The following ROGDI variants were observed in gnomAD, a reference collection of about 807,000 sequenced individuals.
ROGDI encodes protein rogdi homolog.
A neutral mutation model predicts 43.1 loss-of-function variants in ROGDI; 46 were observed. The observed-to-expected ratio is 1.07, with a 90% CI of 0.84 to 1.37. ROGDI has a LOEUF of 1.37. Among genes scored for constraint, ROGDI ranks in the 40% most tolerant of loss-of-function variants. The pLI is 0.00. For missense variants in ROGDI, 518 were observed against 383.9 expected, an observed-to-expected ratio of 1.35 and a Z score of -2.92; for synonymous variants, 243 against 162.0, an observed-to-expected ratio of 1.50 and a Z score of -3.80.
At chr16:4,798,218 G>T (rs568897454) in intron 7 of ROGDI, 34 bp from the exon 8 acceptor site, 1 of 1,562,204 alleles carries the variant, frequency 6.4e-7, no homozygotes, top group South Asian at 1.1e-5. Context: ...GCCCTCGCAA[G>T]CCCCCAGCCC....
rs1321729854 is a variant in ROGDI, at chr16:4,801,578, G to C, written c.125C>G (p.Ser42Cys). The change falls in exon 3 of 11, where the codon TCT becomes TGT. Residue 42 changes from serine (S) to cysteine (C), a missense_variant. Ser to Cys is a moderately radical substitution (Grantham distance 112). Coordinates refer to ENST00000322048, the MANE Select transcript of ROGDI (RefSeq NM_024589.3). ...KQLQDILKEASLRFTLPGSGT... is the reference protein window; with the variant it reads ...KQLQDILKEACLRFTLPGSGT... Reference sequence around the variant, plus strand: ...GGAGCCCGGCAGAGTGAAGCGCAGAGAGGCCTCCTGTGGAACAGAGGGAAG... The same window carrying C: ...GGAGCCCGGCAGAGTGAAGCGCAGACAGGCCTCCTGTGGAACAGAGGGAAG... 2 of 1,598,562 alleles carry C rather than the reference G, an allele frequency of 1.3e-6. No homozygotes were observed. The highest frequency in any genetic ancestry group is 1.1e-5 in the South Asian group (1 of 88,444).
At position 4,801,493 on chromosome 16, in the gene ROGDI, C is replaced by A. The variant is rs1337104317; in HGVS notation, c.200+10G>T. ...CCCATTTCCCCGGTTTCCGCCTAGC[C>A]CAGGCTCACCCACAGCTGCCTAGGA... On this transcript the variant is annotated intron_variant, in intron 3 of 10. Coordinates refer to ENST00000322048, the MANE Select transcript of ROGDI (RefSeq NM_024589.3). 1.3e-5 allele frequency: 21 copies of A among 1,599,474 alleles called. 1 individual carries two copies. In the Admixed American group the frequency reaches 3.7e-4, roughly 28 times the overall value.
intron 2 of ROGDI, 58 bp from the exon 3 acceptor site, chr16:4,801,643 C>A: frequency 3.4e-6 from 5 of 1,473,494 alleles, no homozygotes; most frequent in Non-Finnish European, 4.6e-6. Flanking sequence ...CGGCCCAGTG[C>A]TCCTTCCAGA....
chr16:4,799,831 G>A lies in ROGDI; in HGVS notation c.337-50C>T, dbSNP rs76525419. ...GGTCACGCCAGCTTCCATGCGGCCAGGAGGGGAGAGTGGGTGCTGCCTGCC... is the reference window on the plus strand; with the variant it reads ...GGTCACGCCAGCTTCCATGCGGCCAAGAGGGGAGAGTGGGTGCTGCCTGCC... On this transcript the variant is annotated intron_variant, in intron 5 of 10. Transcript: ENST00000322048. 222 of 1,360,816 alleles carry A rather than the reference G, an allele frequency of 1.6e-4. No individual in the cohort carries two copies. In the East Asian group the frequency reaches 5.1e-3, roughly 31 times the overall value. 84.3% of individuals were successfully genotyped at this position (1,360,816 alleles called of 1,614,324 possible). A position where few individuals can be genotyped will look rare whatever the true frequency, so the allele number is the denominator to read the frequency against.
intron 2 of ROGDI, 147 bp downstream of exon 2, chr16:4,802,235 C>A (rs542248090): frequency 6.7e-6 from 5 of 749,142 alleles, no homozygotes; most frequent in Middle Eastern, 4.7e-4. Flanking sequence ...GAGGTCGGCT[C>A]GAGTTCGCGG....
intron 6 of ROGDI, among the ~76,000 whole-genome samples, chr16:4,799,364 G>C (rs1313366307): frequency 1.3e-5 from 2 of 152,164 alleles, no homozygotes; most frequent in Non-Finnish European, 2.9e-5. Flanking sequence ...CAGCAAGTCA[G>C]GGGCAGAACT....
chr16:4,798,168 G>A lies in ROGDI; in HGVS notation c.548C>T (p.Ala183Val), dbSNP rs1306134473. Residue 183 changes from alanine to valine, a missense_variant, in exon 8 of 11, where the codon GCC becomes GTC. Coordinates refer to ENST00000322048, the MANE Select transcript of ROGDI (RefSeq NM_024589.3). The part of the protein sequence containing the change: ...ASGLTRMFAP[A>V]LPSDLLVNVY... ...GTTGACCAGCAGGTCGGACGGCAGG[G>A]CAGGGGCGAACATCCGCTGCGGGAG... is the stretch of plus-strand genomic sequence containing the variant. The A allele has an allele frequency of 2.5e-6, 4 of 1,613,818 alleles. No individual in the cohort carries two copies. Among genetic ancestry groups the A allele is most frequent in the Non-Finnish European group, 3.4e-6 (4 of 1,179,874 alleles).
intron 2 of ROGDI, 22 bp downstream of exon 2, chr16:4,802,360 G>C: frequency 6.4e-7 from 1 of 1,551,398 alleles, no homozygotes; most frequent in Non-Finnish European, 8.7e-7. Context: ...CACGCCCGGC[G>C]GGGCAGGGCG....
intron 3 of ROGDI, 88 bp downstream of exon 3, chr16:4,801,415 A>G: frequency 2.6e-6 from 4 of 1,556,622 alleles, no homozygotes; most frequent in Non-Finnish European, 3.5e-6. Flanking sequence ...CCATCGCACA[A>G]CCAGCTGGTC....
At chr16:4,800,034 G>A (rs2082697309) in intron 5 of ROGDI, among the ~76,000 whole-genome samples, 1 of 152,168 alleles carries the variant, frequency 6.6e-6, no homozygotes, top group African/African-American at 2.4e-5. Context: ...GTCTGTGCGA[G>A]TTGCGGAGGG....
At chr16:4,800,309 C>T (rs1017458919) in intron 5 of ROGDI, among the ~76,000 whole-genome samples, 189 bp downstream of exon 5, 1 of 152,182 alleles carries the variant, frequency 6.6e-6, no homozygotes, top group African/African-American at 2.4e-5. Context: ...AGGTTCTCTA[C>T]CTCCCCACAT....
intron 4 of ROGDI, chr16:4,800,813 AAAGGGG>A (rs1285518908): frequency 3.5e-6 from 2 of 568,360 alleles, no homozygotes; most frequent in East Asian, 6.0e-5. Flanking sequence ...AGAGGTGAAG[AAAGGGG>A]AAGGGGAAGA....
In ROGDI at chr16:4,797,231, G is replaced by A; in HGVS notation, c.*229C>T. On this transcript the variant is annotated 3_prime_UTR_variant, in exon 11 of 11. Transcript: ENST00000322048. ...TCAGAGGGCGGTGTTGGGAATGTGG[G>A]ACACCCTTGGCCCCGCCTCCCTGAC... 1.9e-6 allele frequency: 1 copy of A among 519,070 alleles called. No homozygotes were observed. Among genetic ancestry groups the A allele is most frequent in the Non-Finnish European group, 3.5e-6 (1 of 289,776 alleles). 32.2% of individuals were successfully genotyped at this position (519,070 alleles called of 1,614,324 possible). A position where few individuals can be genotyped will look rare whatever the true frequency, so the allele number is the denominator to read the frequency against.
rs749657986 is a variant in ROGDI, at chr16:4,798,564, C to T, written c.531+5G>A. 6.5e-7 allele frequency: 1 copy of T among 1,548,340 alleles called. No homozygotes were observed. The highest frequency in any genetic ancestry group is 8.7e-7 in the Non-Finnish European group (1 of 1,152,256). ...CCTGCAGCAGGGGCTGGCAGGGGCACTGACCGTGAGGCCGCTGGCGGCGAT... is the reference window on the plus strand; with the variant it reads ...CCTGCAGCAGGGGCTGGCAGGGGCATTGACCGTGAGGCCGCTGGCGGCGAT... On this transcript the variant is annotated splice_donor_5th_base_variant and intron_variant, in intron 7 of 10. Transcript: ENST00000322048.
intron 4 of ROGDI, chr16:4,800,982 A>C (rs1345278600): frequency 2.0e-6 from 1 of 509,012 alleles, no homozygotes; most frequent in Admixed American, 3.6e-5. Flanking sequence ...TGGCTGATTC[A>C]ACTGTGATGT....
chr16:4,801,232 G>T (rs374871838), intron 4 of ROGDI, 35 bp downstream of exon 4: 250 of 1,551,710 alleles, frequency 1.6e-4, no homozygotes, highest in Non-Finnish European at 2.1e-4. Context: ...CTTCCCCATT[G>T]GCAGGATGGG....
chr16:4,802,074 C>A (rs917381881), intron 2 of ROGDI: 5 of 619,250 alleles, frequency 8.1e-6, no homozygotes, highest in African/African-American at 3.6e-5. Flanking sequence ...TGAAGTCACA[C>A]TGCCAGGCAG....
intron 6 of ROGDI, 63 bp downstream of exon 6, chr16:4,799,623 A>T (rs1409919033): frequency 7.8e-7 from 1 of 1,274,882 alleles, no homozygotes. Context: ...ATTGGAACCC[A>T]GGTGTGATTC....
rs1406680660 is a variant in ROGDI, at chr16:4,802,162, T to C, written c.117+220A>G. ...TCCCCGACCCGAGGCCGGGCGGGAC[T>C]CAGGCCCTTGCTAGCACCCTCGTCG... On this transcript the variant is annotated intron_variant, in intron 2 of 10. Coordinates refer to ENST00000322048, the MANE Select transcript of ROGDI (RefSeq NM_024589.3). 3 of 655,510 alleles carry C rather than the reference T, an allele frequency of 4.6e-6. No homozygotes were observed. The South Asian group carries it at 4.6e-5, about 10-fold the overall frequency. 40.6% of individuals were successfully genotyped at this position (655,510 alleles called of 1,614,324 possible). A position where few individuals can be genotyped will look rare whatever the true frequency, so the allele number is the denominator to read the frequency against.
Sources: allele counts gnomAD v4.1 joint callset (sites outside exome capture counted in the v4.1 genomes callset), GRCh38; gene constraint gnomAD v4.1.1; transcripts MANE v1.5; gene names NCBI Gene and HGNC (gene_info 2026-07-23, HGNC 2026-07-21).